KALRN: variants seen among roughly 807,000 people sequenced by gnomAD.
KALRN encodes the protein kalirin RhoGEF kinase, also known as kalirin.
Under a neutral mutation model 353.7 loss-of-function variants are expected in KALRN, and 70 were observed. That is an observed-to-expected ratio of 0.20 (90% CI 0.16 to 0.24). The LOEUF is 0.24. Among genes scored for constraint, KALRN ranks in the 10% least tolerant of loss-of-function variants. KALRN has a pLI of 1.00. For missense variants in KALRN, 2,791 were observed against 3,756.7 expected (o/e 0.74, Z 6.72); for synonymous variants, 1,391 against 1,434.8 (o/e 0.97, Z 0.69).
At chr3:124,579,609 G>A (rs1335831837) in intron 34 of KALRN, among the ~76,000 whole-genome samples, 2 of 152,086 alleles carry the variant, frequency 1.3e-5, no homozygotes. Context: ...AAAGCTTTAG[G>A]AAGAAGCCTC....
At chr3:124,539,408 C>T (rs529689009) in intron 33 of KALRN, among the ~76,000 whole-genome samples, 14 of 152,268 alleles carry the variant, frequency 9.2e-5, no homozygotes, top group African/African-American at 3.1e-4. Flanking sequence ...TTTAAAACAT[C>T]GACCATTGTT....
intron 10 of KALRN, among the ~76,000 whole-genome samples, chr3:124,373,214 A>G (rs1357829721): frequency 6.6e-6 from 1 of 152,120 alleles, no homozygotes; most frequent in East Asian, 1.9e-4. Flanking sequence ...GATCTTTCTC[A>G]ATACAGCTTC....
chr3:124,551,209 C>A (rs752599920), intron 33 of KALRN, among the ~76,000 whole-genome samples: 4 of 152,052 alleles, frequency 2.6e-5, no homozygotes, highest in Non-Finnish European at 5.9e-5. Context: ...CCAACAATAG[C>A]AGATGGGAGC....
At chr3:124,295,633 T>C (rs2076787455) in intron 5 of KALRN, among the ~76,000 whole-genome samples, 1 of 152,148 alleles carries the variant, frequency 6.6e-6, no homozygotes, top group Non-Finnish European at 1.5e-5. Flanking sequence ...GGAAGGTCAC[T>C]AATCGGCCAC....
At chr3:124,382,422 T>G (rs1356417364) in intron 10 of KALRN, among the ~76,000 whole-genome samples, 1 of 152,186 alleles carries the variant, frequency 6.6e-6, no homozygotes, top group Middle Eastern at 3.2e-3. Context: ...CATTATATAT[T>G]TATCTGTACT....
intron 57 of KALRN, among the ~76,000 whole-genome samples, 196 bp from the exon 58 acceptor site, chr3:124,712,739 T>C (rs2062953064): frequency 6.6e-6 from 1 of 150,518 alleles, no homozygotes; most frequent in Non-Finnish European, 1.5e-5. Flanking sequence ...TAAAAAGTTT[T>C]TGACATCTCA....
chr3:124,614,948 G>A (rs907675734), intron 34 of KALRN, among the ~76,000 whole-genome samples: 3 of 152,190 alleles, frequency 2.0e-5, no homozygotes, highest in Non-Finnish European at 4.4e-5. Flanking sequence ...TTGTGATCAG[G>A]AAATTGTTTC....
At chr3:124,657,576 A>T in intron 40 of KALRN, 25 bp downstream of exon 40, 1 of 1,573,294 alleles carries the variant, frequency 6.4e-7, no homozygotes, top group South Asian at 1.1e-5. Flanking sequence ...TGCCCCGAGG[A>T]TCCAGTGTCC....
At chr3:124,140,622 G>A (rs988223052) in intron 1 of KALRN, among the ~76,000 whole-genome samples, 1 of 152,218 alleles carries the variant, frequency 6.6e-6, no homozygotes. Flanking sequence ...CTAGAGCACA[G>A]AAGGAATTCT....
At chr3:124,384,824 C>T in intron 10 of KALRN, 21 bp from the exon 11 acceptor site, 1 of 1,556,454 alleles carries the variant, frequency 6.4e-7, no homozygotes, top group Non-Finnish European at 8.7e-7. Flanking sequence ...CTTGACTTTG[C>T]CTCACTGTTG....
rs377276297 is a variant in KALRN at position 124,306,139 on chromosome 3, A to G, written c.1092+7226A>G. ...ACCCAGGCTGAAGTGCAGTGGGACA[A>G]TCATGGCTCACTGCAGCCTTAACCT... On this transcript the variant is annotated intron_variant, in intron 6 of 59. Transcript: ENST00000682506. 5.9e-5 allele frequency among the ~76,000 whole-genome samples: 9 copies of G among 152,214 alleles called. No homozygotes were observed. The South Asian group carries it at 1.5e-3, about 25-fold the overall frequency.
chr3:124,412,448 CG>C, intron 13 of KALRN, among the ~76,000 whole-genome samples: 1 of 152,266 alleles, frequency 6.6e-6, no homozygotes, highest in Middle Eastern at 3.4e-3. Context: ...GGGGTGTCAT[CG>C]GGGTAGCATG....
intron 59 of KALRN, 39 bp downstream of exon 59, chr3:124,717,424 C>T (rs187460478): frequency 2.5e-5 from 37 of 1,496,114 alleles, no homozygotes; most frequent in East Asian, 9.4e-5. Context: ...CAGTGGCTCA[C>T]GCCTGAAATC....
chr3:124,599,839 T>C (rs1026245077), intron 34 of KALRN, among the ~76,000 whole-genome samples: 1 of 152,206 alleles, frequency 6.6e-6, no homozygotes, highest in Non-Finnish European at 1.5e-5. Context: ...TTCTACCCCT[T>C]TCCCAATTTA....
intron 5 of KALRN, among the ~76,000 whole-genome samples, chr3:124,279,568 G>A (rs2075133239): frequency 6.6e-6 from 1 of 152,172 alleles, no homozygotes; most frequent in South Asian, 2.1e-4. Context: ...CCTGGTGGCT[G>A]GAGAAACCAA....
chr3:124,523,237 GC>G (rs1304527577), intron 33 of KALRN, among the ~76,000 whole-genome samples: 2 of 152,112 alleles, frequency 1.3e-5, no homozygotes, highest in Non-Finnish European at 2.9e-5. Context: ...ACTAGCTATA[GC>G]TTTCGCCTGA....
chr3:124,498,791 T>C (rs951878064), intron 33 of KALRN, among the ~76,000 whole-genome samples: 6 of 152,100 alleles, frequency 3.9e-5, no homozygotes, highest in African/African-American at 1.4e-4. Context: ...AGGGCAGCCA[T>C]GTGTCCTCCG....
chr3:124,343,919 A>C (rs2082017394), intron 9 of KALRN, among the ~76,000 whole-genome samples: 1 of 152,198 alleles, frequency 6.6e-6, no homozygotes. Context: ...AAGACTATTA[A>C]ATAAATGTCC....
chr3:124,279,254 T>A (rs551494734), intron 5 of KALRN, among the ~76,000 whole-genome samples: 8 of 152,364 alleles, frequency 5.3e-5, no homozygotes, highest in South Asian at 4.1e-4. Context: ...CTCTGAACAC[T>A]GATTTCTTTA....
Sources: gnomAD v4.1 joint callset for allele counts (sites outside exome capture counted in the v4.1 genomes callset) on GRCh38, gnomAD v4.1.1 for gene constraint, MANE v1.5 for transcripts, NCBI Gene and HGNC (gene_info 2026-07-23, HGNC 2026-07-21) for gene names.